ABCC8: variants seen among roughly 807,000 people sequenced by gnomAD.
ABCC8 encodes ATP binding cassette subfamily C member 8.
ABCC8 carries 137 observed loss-of-function variants against 188.0 expected under a neutral mutation model. The ratio of observed to expected loss-of-function variants is 0.73; its 90% CI spans 0.63 to 0.84. The LOEUF (loss-of-function observed/expected upper bound fraction) is 0.84, where lower values mean the gene tolerates loss of function less well. Among genes scored for constraint, ABCC8 ranks in the 40% least tolerant of loss-of-function variants. The pLI, the probability that ABCC8 is intolerant of heterozygous loss-of-function variation, is 0.00. For missense variants in ABCC8, 1,750 were observed against 2,072.7 expected (o/e 0.84, Z 3.02); for synonymous variants, 797 against 846.5 (o/e 0.94, Z 1.01).
At chr11:17,474,520 T>C (rs1358871478) in intron 2 of ABCC8, among the ~76,000 whole-genome samples, 1 of 148,358 alleles carries the variant, frequency 6.7e-6, no homozygotes, top group Non-Finnish European at 1.5e-5. Flanking sequence ...AAAGGTCTTA[T>C]GCAAGAGTGG....
At position 17,432,058 on chromosome 11, in the gene ABCC8, AT is replaced by A. The variant is rs1955871450; in HGVS notation, c.1671+145del. On this transcript the variant is annotated intron_variant, in intron 11 of 38. Coordinates refer to ENST00000389817, the MANE Select transcript of ABCC8 (RefSeq NM_000352.6). ...GAGTTGGGGAGGGGCCACACCCTCTATAAACTTTCGATCCTATTTTCAGTCT... is the reference window on the plus strand; with the variant it reads ...GAGTTGGGGAGGGGCCACACCCTCTAAAACTTTCGATCCTATTTTCAGTCT... 6.0e-5 allele frequency: 70 copies of A among 1,169,358 alleles called. 2 individuals are homozygous for A. In the South Asian group the frequency reaches 1.0e-3, roughly 17 times the overall value. The allele number at this position is 1,169,358 out of a possible 1,614,324, so 72.4% of individuals were successfully genotyped here.
intron 7 of ABCC8, 125 bp from the exon 8 acceptor site, chr11:17,448,796 C>G: frequency 1.3e-6 from 2 of 1,508,482 alleles, no homozygotes; most frequent in South Asian, 1.1e-5. Flanking sequence ...TAGAGCAGCT[C>G]TGTAAGGTGG....
At chr11:17,470,349 C>A in intron 2 of ABCC8, 127 bp from the exon 3 acceptor site, 1 of 1,519,134 alleles carries the variant, frequency 6.6e-7, no homozygotes, top group South Asian at 1.2e-5. Flanking sequence ...CTGCAGGGCC[C>A]TTTAGTTAAT....
Position 17,470,279 on chromosome 11 carries a change from C to T in ABCC8, c.291-57G>A. On this transcript the variant is annotated intron_variant, in intron 2 of 38. Coordinates refer to ENST00000389817, the MANE Select transcript of ABCC8 (RefSeq NM_000352.6). Reference sequence around the variant, plus strand: ...GGACATGCTAAGTACTGCAATAGAGCAGCCCAGGCCTTGAATTTCAAAGGC... The same window carrying T: ...GGACATGCTAAGTACTGCAATAGAGTAGCCCAGGCCTTGAATTTCAAAGGC... 4 of 1,611,308 alleles carry T rather than the reference C, an allele frequency of 2.5e-6. No individual in the cohort carries two copies. In the South Asian group the frequency reaches 4.4e-5, roughly 18 times the overall value.
At chr11:17,461,269 G>A (rs1473236648) in intron 5 of ABCC8, 3 of 456,260 alleles carry the variant, frequency 6.6e-6, no homozygotes, top group Admixed American at 3.4e-5. Flanking sequence ...AGCTGCAGAG[G>A]AAAGAGCACA....
intron 6 of ABCC8, among the ~76,000 whole-genome samples, chr11:17,456,609 A>G (rs1336286700): frequency 6.6e-6 from 1 of 152,126 alleles, no homozygotes; most frequent in Admixed American, 6.5e-5. Flanking sequence ...CCACCCAGAG[A>G]CCAACACACC....
At chr11:17,396,632 G>C in intron 33 of ABCC8, 1 of 475,630 alleles carries the variant, frequency 2.1e-6, no homozygotes, top group South Asian at 2.1e-5. Context: ...TTCGCAGAGA[G>C]GGAGGCCCTG....
chr11:17,471,243 G>A (rs1482199268), intron 2 of ABCC8, among the ~76,000 whole-genome samples: 2 of 152,372 alleles, frequency 1.3e-5, no homozygotes, highest in Non-Finnish European at 2.9e-5. Context: ...GGAGTCAGCA[G>A]GCTAGGGAAG....
At chr11:17,441,023 C>T (rs1452830655) in intron 10 of ABCC8, among the ~76,000 whole-genome samples, 3 of 152,156 alleles carry the variant, frequency 2.0e-5, no homozygotes, top group Non-Finnish European at 4.4e-5. Context: ...GAGACACTAC[C>T]AGCACCCCCT....
At chr11:17,435,704 C>T in intron 10 of ABCC8, 14 of 1,377,678 alleles carry the variant, frequency 1.0e-5, no homozygotes, top group Non-Finnish European at 1.2e-5. Flanking sequence ...GAGGACAGTA[C>T]AGTAAGAACC....
chr11:17,458,958 T>C (rs973602810), intron 6 of ABCC8, among the ~76,000 whole-genome samples: 1 of 152,234 alleles, frequency 6.6e-6, no homozygotes, highest in African/African-American at 2.4e-5. Flanking sequence ...TCCTCACTGT[T>C]GGATTTCATA....
At chr11:17,408,615 C>A (rs1051354385) in intron 22 of ABCC8, 98 bp from the exon 23 acceptor site, 1 of 1,511,342 alleles carries the variant, frequency 6.6e-7, no homozygotes, top group African/African-American at 1.4e-5. Flanking sequence ...TTGACACATC[C>A]CTTTCCTCAC....
At chr11:17,435,391 A>T (rs1956043932) in intron 10 of ABCC8, among the ~76,000 whole-genome samples, 1 of 152,174 alleles carries the variant, frequency 6.6e-6, no homozygotes, top group Non-Finnish European at 1.5e-5. Context: ...ATCAAAGGCC[A>T]ATATGGAGAC....
chr11:17,423,926 G>A (rs1185382543), intron 16 of ABCC8, among the ~76,000 whole-genome samples: 1 of 152,182 alleles, frequency 6.6e-6, no homozygotes, highest in East Asian at 1.9e-4. Flanking sequence ...GGGTGGCCTT[G>A]GACAACTTGC....
chr11:17,453,367 AC>A, intron 6 of ABCC8, 84 bp from the exon 7 acceptor site: 5 of 1,567,302 alleles, frequency 3.2e-6, no homozygotes, highest in Non-Finnish European at 4.3e-6. Context: ...ATAATGGACC[AC>A]GGCCATCATT....
intron 17 of ABCC8, 71 bp from the exon 18 acceptor site, chr11:17,415,410 C>G (rs540269181): frequency 6.4e-7 from 1 of 1,572,358 alleles, no homozygotes; most frequent in South Asian, 1.2e-5. Context: ...AGATCCTGAG[C>G]TCCCTCCAAC....
chr11:17,397,609 A>G (rs1350725785), intron 31 of ABCC8, 75 bp downstream of exon 31: 4 of 1,538,246 alleles, frequency 2.6e-6, no homozygotes, highest in Non-Finnish European at 3.5e-6. Context: ...GGAGTGTCTC[A>G]TGTCTCCAGT....
At position 17,442,892 on chromosome 11, in the gene ABCC8, T is replaced by A. The variant is rs769767231; in HGVS notation, c.1468-10A>T. 6.2e-7 allele frequency: 1 copy of A among 1,610,040 alleles called. No individual in the cohort carries two copies. ...GCTCATTGGAATACTCCTGCAGGGGTCCCCGAGTCAGAGGGGAGAGGCTTC... is the reference window on the plus strand; with the variant it reads ...GCTCATTGGAATACTCCTGCAGGGGACCCCGAGTCAGAGGGGAGAGGCTTC... On this transcript the variant is annotated splice_polypyrimidine_tract_variant and intron_variant, in intron 9 of 38. Coordinates refer to ENST00000389817, the MANE Select transcript of ABCC8 (RefSeq NM_000352.6).
At chr11:17,461,329 C>T in intron 5 of ABCC8, 1 of 549,378 alleles carries the variant, frequency 1.8e-6, no homozygotes. Context: ...GCCTCAGTTT[C>T]CCCATCTGGA....
Sources: allele counts gnomAD v4.1 joint callset (sites outside exome capture counted in the v4.1 genomes callset), GRCh38; gene constraint gnomAD v4.1.1; transcripts MANE v1.5; gene names NCBI Gene and HGNC (gene_info 2026-07-23, HGNC 2026-07-21).